Variants in DPH6 observed in about 807,000 individuals in gnomAD.
The protein encoded by DPH6 is diphthine--ammonia ligase.
DPH6 carries 33 observed loss-of-function variants against 38.2 expected under a neutral mutation model. The ratio of observed to expected loss-of-function variants is 0.86; its 90% CI spans 0.65 to 1.15. DPH6 has a LOEUF of 1.15. DPH6 is among the 50% of genes most tolerant of loss of function. DPH6 has a pLI of 0.00. For missense variants in DPH6, 325 were observed against 320.0 expected (o/e 1.02, Z -0.12); for synonymous variants, 108 against 103.0 (o/e 1.05, Z -0.30).
chr15:35,339,635 A>G (rs945434013), intron 3 of DPH6, among the ~76,000 whole-genome samples: 1 of 152,124 alleles, frequency 6.6e-6, no homozygotes, highest in African/African-American at 2.4e-5. Flanking sequence ...TAATTTCATT[A>G]CTTATCCAAG....
intron 6 of DPH6, among the ~76,000 whole-genome samples, chr15:35,391,474 C>G (rs1422228131): frequency 6.6e-6 from 1 of 152,212 alleles, no homozygotes; most frequent in Non-Finnish European, 1.5e-5. Flanking sequence ...CCTCCTGGAG[C>G]TGTGGTGGGC....
chr15:35,285,693 A>C (rs2051936370), intron 3 of DPH6, among the ~76,000 whole-genome samples: 1 of 152,046 alleles, frequency 6.6e-6, no homozygotes, highest in Admixed American at 6.6e-5. Flanking sequence ...GTAATTACTT[A>C]ATCTATTTCT....
chr15:35,197,578 C>T, the DPH6 span, among the ~76,000 whole-genome samples: 1 of 152,178 alleles, frequency 6.6e-6, no homozygotes, highest in Non-Finnish European at 1.5e-5. Flanking sequence ...GGCAATGAAT[C>T]TTATTTTACA....
At chr15:35,167,572 T>A in the DPH6 span, among the ~76,000 whole-genome samples, 34 of 143,936 alleles carry the variant, frequency 2.4e-4, no homozygotes, top group African/African-American at 7.7e-4. Flanking sequence ...GTCTTTTTTT[T>A]AAAAAAAAAA....
Position 35,283,020 on chromosome 15 carries a change from CTCTTCTTCCTTCTTCTTCT to C in DPH6, n.201-62457_201-62439del, listed in dbSNP as rs535373469. ...CATCATCTTCTTCTTCTTCCTCTTC[CTCTTCTTCCTTCTTCTTCT>C]TCTTCTTCCTTCTTCTTCCTTCTTC... is the stretch of plus-strand genomic sequence containing the variant. On this transcript the variant is annotated intron_variant and non_coding_transcript_variant, in intron 3 of 3. Coordinates refer to the DPH6 transcript ENST00000560386. 5.5e-3 allele frequency: 1,161 copies of C among 210,898 alleles called. 3 individuals are homozygous for C. The highest frequency in any genetic ancestry group is 8.0e-3 in the Non-Finnish European group (795 of 99,818). 13.1% of individuals were successfully genotyped at this position (210,898 alleles called of 1,614,324 possible).
At chr15:35,294,909 G>C (rs921399232) in intron 3 of DPH6, among the ~76,000 whole-genome samples, 1 of 152,236 alleles carries the variant, frequency 6.6e-6, no homozygotes, top group African/African-American at 2.4e-5. Context: ...AACAGGATGA[G>C]ATATGTGCAA....
At chr15:35,533,730 C>A (rs953429551) in intron 3 of DPH6, among the ~76,000 whole-genome samples, 2 of 150,610 alleles carry the variant, frequency 1.3e-5, no homozygotes, top group African/African-American at 4.9e-5. Context: ...TTATTACTGT[C>A]AATAATAATA....
intron 3 of DPH6, among the ~76,000 whole-genome samples, chr15:35,242,135 C>G (rs935494624): frequency 6.9e-6 from 1 of 144,560 alleles, no homozygotes. Flanking sequence ...GCTGTACCGC[C>G]GCAAAGCTTC....
At chr15:35,348,217 C>T (rs903717310) in intron 3 of DPH6, among the ~76,000 whole-genome samples, 11 of 152,154 alleles carry the variant, frequency 7.2e-5, no homozygotes, top group Admixed American at 1.3e-4. Flanking sequence ...TCCAGTAAAA[C>T]ACAGCCAAAT....
At chr15:35,199,569 G>A in the DPH6 span, among the ~76,000 whole-genome samples, 1 of 152,086 alleles carries the variant, frequency 6.6e-6, no homozygotes, top group African/African-American at 2.4e-5. Context: ...TTTAACATCT[G>A]GCTGAGAGAA....
At chr15:35,229,202 T>C (rs1203431907) in intron 3 of DPH6, among the ~76,000 whole-genome samples, 2 of 152,180 alleles carry the variant, frequency 1.3e-5, no homozygotes, top group South Asian at 2.1e-4. Flanking sequence ...TTTGAGGCTA[T>C]TTTCTCGATC....
At chr15:35,221,695 A>G (rs1206099978) in intron 3 of DPH6, among the ~76,000 whole-genome samples, 3 of 152,142 alleles carry the variant, frequency 2.0e-5, no homozygotes, top group Non-Finnish European at 4.4e-5. Flanking sequence ...TATCCATACT[A>G]ATCCCATTAT....
chr15:35,416,734 A>G (rs1181873373), intron 5 of DPH6, among the ~76,000 whole-genome samples: 1 of 152,026 alleles, frequency 6.6e-6, no homozygotes, highest in Non-Finnish European at 1.5e-5. Flanking sequence ...TTTTCTGTTC[A>G]TTAGAAAGTG....
chr15:35,438,435 C>T (rs559834555), intron 5 of DPH6, among the ~76,000 whole-genome samples: 9 of 152,156 alleles, frequency 5.9e-5, no homozygotes, highest in Non-Finnish European at 1.0e-4. Flanking sequence ...CCGTTTTCCT[C>T]GTGGAGCCCC....
At chr15:35,458,912 C>T (rs74008098) in intron 3 of DPH6, among the ~76,000 whole-genome samples, 3,835 of 152,200 alleles carry the variant, frequency 0.025, 159 homozygotes, top group African/African-American at 0.085. Context: ...AAACAGTTCC[C>T]GTGCCCCTTG....
At chr15:35,379,154 G>A (rs1040526773) in intron 7 of DPH6, among the ~76,000 whole-genome samples, 1 of 152,058 alleles carries the variant, frequency 6.6e-6, no homozygotes, top group African/African-American at 2.4e-5. Context: ...TCTCTGACTC[G>A]GACCCTTCTG....
At chr15:35,184,120 G>A in the DPH6 span, among the ~76,000 whole-genome samples, 1 of 152,166 alleles carries the variant, frequency 6.6e-6, no homozygotes, top group African/African-American at 2.4e-5. Context: ...AGATGTAAAT[G>A]TAACAATCAA....
At chr15:35,328,832 G>A (rs781200345), downstream of DPH6, among the ~76,000 whole-genome samples, 4 of 152,130 alleles carry the variant, frequency 2.6e-5, no homozygotes, top group Non-Finnish European at 5.9e-5. Context: ...AGGTTTAATT[G>A]GACTTACAGT....
chr15:35,435,162 C>G (rs189763077), intron 5 of DPH6, among the ~76,000 whole-genome samples: 1 of 152,214 alleles, frequency 6.6e-6, no homozygotes, highest in Non-Finnish European at 1.5e-5. Flanking sequence ...CGATTATCTA[C>G]ACGACCCTTC....
Sources: gnomAD v4.1 joint callset for allele counts (sites outside exome capture counted in the v4.1 genomes callset) on GRCh38, gnomAD v4.1.1 for gene constraint, MANE v1.5 for transcripts, NCBI Gene and HGNC (gene_info 2026-07-23, HGNC 2026-07-21) for gene names.